Variants in LIMCH1 observed in about 807,000 individuals in gnomAD.
The protein encoded by LIMCH1 is LIM and calponin homology domains-containing protein 1.
In LIMCH1, 113 loss-of-function variants were observed where a neutral mutation model predicts 176.5. That is an observed-to-expected ratio of 0.64 (90% CI 0.55 to 0.75). The LOEUF is 0.75. Among genes scored for constraint, LIMCH1 ranks in the 30% least tolerant of loss-of-function variants. LIMCH1 has a pLI of 0.00. For synonymous variants in LIMCH1, 619 were observed against 645.9 expected, an observed-to-expected ratio of 0.96 and a Z score of 0.63; for missense variants, 1,674 against 1,814.9, an observed-to-expected ratio of 0.92 and a Z score of 1.41.
intron 1 of LIMCH1, among the ~76,000 whole-genome samples, chr4:41,445,451 A>G (rs1437537749): frequency 1.3e-5 from 2 of 152,232 alleles, no homozygotes; most frequent in African/African-American, 4.8e-5. Flanking sequence ...ATCTTCTGAG[A>G]CGAACCCCTG....
At chr4:41,544,202 T>G (rs1377540436) in intron 1 of LIMCH1, among the ~76,000 whole-genome samples, 1 of 152,106 alleles carries the variant, frequency 6.6e-6, no homozygotes, top group African/African-American at 2.4e-5. Flanking sequence ...AATCTATGAC[T>G]CTTTTGAGAA....
In LIMCH1 at chr4:41,619,368, A is replaced by C; in HGVS notation, c.386A>C (p.Lys129Thr). Residue 129 changes from lysine (K) to threonine (T), a missense_variant, in exon 6 of 32, where the codon AAA becomes ACA. By Grantham distance (78) the Lys-to-Thr change is moderately conservative (BLOSUM62 -1). Around this residue, in one of 3 missense-constraint regions of LIMCH1, gnomAD observed 655 missense variants for 692.2 expected, o/e 0.95. Coordinates refer to ENST00000503057, the MANE Select transcript of LIMCH1 (RefSeq NM_001330672.2). ...AYVPAPLRKKKAEREEYRKSW... is the reference protein window; with the variant it reads ...AYVPAPLRKKTAEREEYRKSW... ...GTCCCCGCGCCTCTGAGAAAGAAGAAAGCAGAGAGAGAGGAATACCGCAAG... is the reference window on the plus strand; with the variant it reads ...GTCCCCGCGCCTCTGAGAAAGAAGACAGCAGAGAGAGAGGAATACCGCAAG... The C allele has an allele frequency of 6.2e-7, 1 of 1,614,080 alleles. No homozygotes were observed. The highest frequency in any genetic ancestry group is 1.1e-5 in the South Asian group (1 of 91,070).
chr4:41,368,985 AAG>A (rs949486223), intron 1 of LIMCH1, among the ~76,000 whole-genome samples: 4 of 152,218 alleles, frequency 2.6e-5, no homozygotes, highest in African/African-American at 9.6e-5. Context: ...TCAGTGAGGG[AAG>A]AGAGCCATTT....
rs142589863 is a variant in LIMCH1, at chr4:41,629,920, C to A, written c.1271+186C>A. Among the ~76,000 whole-genome samples the A allele has an allele frequency of 1.1e-3, 166 of 152,056 alleles. No homozygotes were observed. The Middle Eastern group carries it at 0.014, about 13-fold the overall frequency. Reference sequence around the variant, plus strand: ...CTCCTGGGCTCAAGCAGTCCTCTCCCTCAGCCTCTTGAATAGCTGGGACTA... The same window carrying A: ...CTCCTGGGCTCAAGCAGTCCTCTCCATCAGCCTCTTGAATAGCTGGGACTA... On this transcript the variant is annotated intron_variant, in intron 9 of 31. Transcript: ENST00000503057.
chr4:41,463,994 G>A (rs573681709), intron 1 of LIMCH1, among the ~76,000 whole-genome samples: 21 of 151,904 alleles, frequency 1.4e-4, no homozygotes, highest in Admixed American at 6.6e-5. Context: ...CTGGGATTAC[G>A]GCCATCCCCA....
intron 1 of LIMCH1, among the ~76,000 whole-genome samples, chr4:41,450,971 C>T (rs1167457477): frequency 6.6e-6 from 1 of 152,060 alleles, no homozygotes; most frequent in Non-Finnish European, 1.5e-5. Context: ...AGCTGAAATA[C>T]TATTATGAGA....
At chr4:41,428,263 C>A (rs569869010) in intron 1 of LIMCH1, among the ~76,000 whole-genome samples, 7 of 152,208 alleles carry the variant, frequency 4.6e-5, no homozygotes, top group African/African-American at 1.4e-4. Flanking sequence ...TAGCTGTGGA[C>A]CTTGGTTATA....
chr4:41,598,347 CT>C (rs1303566766), intron 1 of LIMCH1, among the ~76,000 whole-genome samples: 2 of 152,074 alleles, frequency 1.3e-5, no homozygotes, highest in African/African-American at 4.8e-5. Context: ...ATTTTAAAAG[CT>C]TTCCCTGTCC....
At chr4:41,569,241 G>T (rs901676562) in intron 1 of LIMCH1, among the ~76,000 whole-genome samples, 31 of 152,230 alleles carry the variant, frequency 2.0e-4, no homozygotes, top group Middle Eastern at 3.4e-3. Flanking sequence ...TGAAGACTTC[G>T]GTCTGTGGCA....
intron 2 of LIMCH1, among the ~76,000 whole-genome samples, chr4:41,497,792 C>T (rs1423729132): frequency 6.5e-5 from 9 of 138,714 alleles, no homozygotes; most frequent in African/African-American, 8.8e-5. Flanking sequence ...GCAACAAGAG[C>T]GAAACTTCGT....
chr4:41,398,288 C>T (rs1171276229), intron 1 of LIMCH1, among the ~76,000 whole-genome samples: 2 of 151,176 alleles, frequency 1.3e-5, no homozygotes, highest in Admixed American at 6.6e-5. Flanking sequence ...ATACATGTGC[C>T]ATGAGAAGAG....
intron 1 of LIMCH1, among the ~76,000 whole-genome samples, chr4:41,371,747 G>A (rs1253065736): frequency 1.3e-5 from 2 of 152,098 alleles, no homozygotes; most frequent in Non-Finnish European, 2.9e-5. Context: ...CCCACATAGT[G>A]CCCACATGAT....
intron 25 of LIMCH1, among the ~76,000 whole-genome samples, chr4:41,681,354 A>G (rs1276222008): frequency 6.6e-6 from 1 of 152,156 alleles, no homozygotes; most frequent in African/African-American, 2.4e-5. Flanking sequence ...CAATTAGTGA[A>G]GTCATATTGT....
rs989340440 is a variant in LIMCH1, at chr4:41,663,023, G to T, written c.3291+39G>T. 3 of 1,587,878 alleles carry T rather than the reference G, an allele frequency of 1.9e-6. No individual in the cohort carries two copies. The African/African-American group carries it at 4.0e-5, about 21-fold the overall frequency. ...TGGAGGAAAGCGGTTAAACCCACAAGTTAACATGGCCCCATATTACAGCTA... is the reference window on the plus strand; with the variant it reads ...TGGAGGAAAGCGGTTAAACCCACAATTTAACATGGCCCCATATTACAGCTA... On this transcript the variant is annotated intron_variant, in intron 20 of 31. Transcript: ENST00000503057.
intron 1 of LIMCH1, among the ~76,000 whole-genome samples, chr4:41,367,790 C>G (rs2053305418): frequency 6.7e-6 from 1 of 150,268 alleles, no homozygotes; most frequent in South Asian, 2.1e-4. Context: ...TGGTGTGAAC[C>G]TGGGAGGCGG....
intron 1 of LIMCH1, among the ~76,000 whole-genome samples, chr4:41,588,614 A>G (rs1329617972): frequency 6.6e-6 from 1 of 152,202 alleles, no homozygotes; most frequent in African/African-American, 2.4e-5. Flanking sequence ...AGAGATCACA[A>G]TATCATCTTG....
At chr4:41,548,329 T>C (rs2079890498) in intron 1 of LIMCH1, among the ~76,000 whole-genome samples, 1 of 152,156 alleles carries the variant, frequency 6.6e-6, no homozygotes, top group African/African-American at 2.4e-5. Flanking sequence ...GAATAGTTTC[T>C]TCCTCTAAAG....
At chr4:41,490,596 G>A (rs934859029) in intron 1 of LIMCH1, among the ~76,000 whole-genome samples, 2 of 152,286 alleles carry the variant, frequency 1.3e-5, no homozygotes, top group Admixed American at 6.5e-5. Context: ...GGGGTTGGGG[G>A]TAAGGTTATA....
intron 20 of LIMCH1, among the ~76,000 whole-genome samples, chr4:41,665,373 G>C (rs1234879807): frequency 6.6e-6 from 1 of 152,178 alleles, no homozygotes. Context: ...CTTTGGGAAG[G>C]CTAGACCTTA....
Sources: gnomAD v4.1 joint callset for allele counts (sites outside exome capture counted in the v4.1 genomes callset) on GRCh38, gnomAD v4.1.1 for gene constraint, gnomAD v4.1.1 regional missense constraint, MANE v1.5 for transcripts, NCBI Gene and HGNC (gene_info 2026-07-23, HGNC 2026-07-21) for gene names.